STEAP3: variants seen among roughly 807,000 people sequenced by gnomAD.
STEAP3 encodes the protein STEAP3 metalloreductase, also known as metalloreductase STEAP3.
STEAP3 carries 35 observed loss-of-function variants against 34.9 expected under a neutral mutation model. That is an observed-to-expected ratio of 1.00 (90% CI 0.76 to 1.33). The LOEUF (loss-of-function observed/expected upper bound fraction) is 1.33. STEAP3 is among the 40% of genes most tolerant of loss of function. STEAP3 has a pLI of 0.00. For synonymous variants in STEAP3, 281 were observed against 301.6 expected, an observed-to-expected ratio of 0.93 and a Z score of 0.71; for missense variants, 652 against 667.6, an observed-to-expected ratio of 0.98 and a Z score of 0.26.
intron 1 of STEAP3, among the ~76,000 whole-genome samples, chr2:119,224,977 T>C (rs2104780238): frequency 6.6e-6 from 1 of 152,290 alleles, no homozygotes; most frequent in East Asian, 1.9e-4. Context: ...CCCAGAGTTA[T>C]CTGACTTGGA....
At chr2:119,231,320 A>G (rs2104792472) in intron 2 of STEAP3, among the ~76,000 whole-genome samples, 1 of 148,346 alleles carries the variant, frequency 6.7e-6, no homozygotes, top group East Asian at 2.0e-4. Flanking sequence ...TCAGGGGTTC[A>G]AGGATTTATC....
At chr2:119,234,352 C>T (rs545635701) in intron 2 of STEAP3, among the ~76,000 whole-genome samples, 5 of 152,342 alleles carry the variant, frequency 3.3e-5, no homozygotes, top group South Asian at 2.1e-4. Context: ...CAGCTCCAGA[C>T]GCTGAGGCTG....
At chr2:119,234,198 C>A (rs954365551) in intron 2 of STEAP3, among the ~76,000 whole-genome samples, 1 of 152,180 alleles carries the variant, frequency 6.6e-6, no homozygotes, top group Admixed American at 6.5e-5. Context: ...CTCACCCTGC[C>A]CAGGAGCAGG....
intron 5 of STEAP3, 37 bp from the exon 6 acceptor site, chr2:119,263,020 C>A (rs771480674): frequency 4.4e-6 from 7 of 1,592,262 alleles, no homozygotes; most frequent in South Asian, 1.1e-5. Context: ...ATCTGTCATC[C>A]CCTCGCCCTC....
intron 5 of STEAP3, among the ~76,000 whole-genome samples, chr2:119,261,889 G>T (rs1312329302): frequency 2.6e-5 from 4 of 152,346 alleles, no homozygotes; most frequent in African/African-American, 9.6e-5. Context: ...TGTTCAAGGG[G>T]TGTGAAGCTC....
intron 1 of STEAP3, among the ~76,000 whole-genome samples, chr2:119,229,128 T>G (rs1285281182): frequency 6.6e-6 from 1 of 152,094 alleles, no homozygotes; most frequent in South Asian, 2.1e-4. Context: ...GCGATTCTGG[T>G]GTTCACAAAT....
intron 5 of STEAP3, chr2:119,257,348 C>G: frequency 7.5e-7 from 1 of 1,328,106 alleles, no homozygotes; most frequent in Admixed American, 3.8e-5. Flanking sequence ...CTTGGAGAAA[C>G]AGAGATAACC....
intron 2 of STEAP3, among the ~76,000 whole-genome samples, chr2:119,240,955 G>A (rs1278529378): frequency 6.6e-6 from 1 of 152,162 alleles, no homozygotes; most frequent in Admixed American, 6.5e-5. Context: ...TTCAGCAGGA[G>A]GGTTCATGCT....
chr2:119,262,702 A>G (rs1469965628), intron 5 of STEAP3, among the ~76,000 whole-genome samples: 1 of 152,170 alleles, frequency 6.6e-6, no homozygotes, highest in Non-Finnish European at 1.5e-5. Context: ...AACTTCTTTG[A>G]ACTTAATTCC....
chr2:119,247,606 CA>C, intron 3 of STEAP3, 72 bp from the exon 4 acceptor site: 1 of 1,454,770 alleles, frequency 6.9e-7, no homozygotes, highest in Non-Finnish European at 9.0e-7. Context: ...TCGGTTTCCT[CA>C]GCTGCTCAGT....
At chr2:119,245,108 C>T (rs559759212) in intron 2 of STEAP3, 74 of 216,376 alleles carry the variant, frequency 3.4e-4, no homozygotes, top group African/African-American at 1.6e-3. Context: ...TAGATGGTCA[C>T]TCCTGGCTAG....
rs1174191897 is a variant in STEAP3, at chr2:119,230,867, C to T, written c.-146C>T. ...GCGGGAGGCAGCTGGCTGTGCAAGA[C>T]CCTGGCAGGGCCCTCGCCTCCTGAG... is the stretch of plus-strand genomic sequence containing the variant. On this transcript the variant is annotated 5_prime_UTR_variant, in exon 2 of 6. Transcript: ENST00000393110. 1.2e-5 allele frequency: 13 copies of T among 1,075,242 alleles called. No individual in the cohort carries two copies. In the East Asian group the frequency reaches 3.3e-4, roughly 27 times the overall value. The allele number at this position is 1,075,242 out of a possible 1,614,324, so 66.6% of individuals were successfully genotyped here. A position where few individuals can be genotyped will look rare whatever the true frequency, so the allele number is the denominator to read the frequency against.
At position 119,249,981 on chromosome 2, in the gene STEAP3, C is replaced by G. The variant is rs570382258; in HGVS notation, c.1050+1775C>G. ...ACTGTGAATTCATTTAACCCCATCTCATCCCTGTAGGCCAGGTGCTATTAT... is the reference window on the plus strand; with the variant it reads ...ACTGTGAATTCATTTAACCCCATCTGATCCCTGTAGGCCAGGTGCTATTAT... On this transcript the variant is annotated intron_variant, in intron 4 of 5. Transcript: ENST00000393110. Among the ~76,000 whole-genome samples, 322 of 152,320 alleles carry G rather than the reference C, an allele frequency of 2.1e-3. 2 individuals are homozygous for G. The highest frequency in any genetic ancestry group is 7.5e-3 in the African/African-American group (310 of 41,570).
intron 2 of STEAP3, chr2:119,244,740 G>A (rs1042472294): frequency 1.3e-5 from 2 of 152,112 alleles, no homozygotes; most frequent in Admixed American, 6.5e-5. Flanking sequence ...GTAGACCGAT[G>A]GCCCGAGTTC....
At chr2:119,257,426 C>T in intron 5 of STEAP3, 6 of 1,455,934 alleles carry the variant, frequency 4.1e-6, no homozygotes, top group Non-Finnish European at 5.4e-6. Flanking sequence ...TTTGCAGCTC[C>T]CTAAGTGACT....
chr2:119,224,539 G>A (rs997510618), intron 1 of STEAP3, among the ~76,000 whole-genome samples: 1 of 152,224 alleles, frequency 6.6e-6, no homozygotes, highest in Non-Finnish European at 1.5e-5. Context: ...GAGAGGTGTG[G>A]TTGGAACTTT....
chr2:119,239,584 G>A (rs2104807323), intron 2 of STEAP3, among the ~76,000 whole-genome samples: 1 of 152,320 alleles, frequency 6.6e-6, no homozygotes, highest in East Asian at 1.9e-4. Context: ...ATGGGTCCTT[G>A]CACTCTGGGC....
intron 4 of STEAP3, among the ~76,000 whole-genome samples, chr2:119,251,327 C>A (rs1677619985): frequency 6.6e-6 from 1 of 152,134 alleles, no homozygotes; most frequent in Non-Finnish European, 1.5e-5. Context: ...TCCTTACAGC[C>A]CTGAGTCTGC....
At chr2:119,248,418 G>T in intron 4 of STEAP3, 1 of 607,072 alleles carries the variant, frequency 1.6e-6, no homozygotes, top group Non-Finnish European at 2.8e-6. Context: ...CTGCCCCCAT[G>T]GGTACAGCCC....
Sources: gnomAD v4.1 joint callset for allele counts (sites outside exome capture counted in the v4.1 genomes callset) on GRCh38, gnomAD v4.1.1 for gene constraint, MANE v1.5 for transcripts, NCBI Gene and HGNC (gene_info 2026-07-23, HGNC 2026-07-21) for gene names.